Variants in SLC28A1 observed in about 807,000 individuals in gnomAD.
SLC28A1 encodes sodium/nucleoside cotransporter 1.
SLC28A1 carries 64 observed loss-of-function variants against 74.8 expected under a neutral mutation model. The observed-to-expected ratio is 0.86, with a 90% CI of 0.70 to 1.05. The LOEUF is 1.05. Among genes scored for constraint, SLC28A1 ranks in the 50% least tolerant of loss-of-function variants. The pLI is 0.00. For synonymous variants in SLC28A1, 359 were observed against 335.0 expected, an observed-to-expected ratio of 1.07 and a Z score of -0.78; for missense variants, 828 against 822.8, an observed-to-expected ratio of 1.01 and a Z score of -0.08.
chr15:84,947,923 G>T (rs1030590667), downstream of SLC28A1, among the ~76,000 whole-genome samples: 3 of 152,268 alleles, frequency 2.0e-5, no homozygotes, highest in African/African-American at 4.8e-5. Flanking sequence ...ATGGGAGCTC[G>T]GTAGTATTGG....
the SLC28A1 span, among the ~76,000 whole-genome samples, chr15:84,967,331 C>T: frequency 6.6e-6 from 1 of 152,146 alleles, no homozygotes; most frequent in African/African-American, 2.4e-5. Context: ...AACTTTCTAC[C>T]CCCCACCTCA....
chr15:84,949,530 C>G (rs1029865947), downstream of SLC28A1, among the ~76,000 whole-genome samples: 1 of 150,976 alleles, frequency 6.6e-6, no homozygotes, highest in Non-Finnish European at 1.5e-5. Flanking sequence ...TCCCAAGTAG[C>G]TGAGACTACA....
chr15:84,952,912 T>C, the SLC28A1 span, among the ~76,000 whole-genome samples: 1 of 152,192 alleles, frequency 6.6e-6, no homozygotes, highest in Non-Finnish European at 1.5e-5. Context: ...TATTTAAAGA[T>C]AGAAAATTCA....
At chr15:84,909,645 C>T (rs1967837721) in intron 9 of SLC28A1, among the ~76,000 whole-genome samples, 1 of 152,230 alleles carries the variant, frequency 6.6e-6, no homozygotes, top group South Asian at 2.1e-4. Context: ...CCTCCTCTGC[C>T]TGTCTTACAC....
At chr15:84,928,602 CTTTTCTTTCTTTCTTTTCTTTCTTTCTTT>C (rs202236322) in intron 12 of SLC28A1, among the ~76,000 whole-genome samples, 147 of 8,300 alleles carry the variant, frequency 0.018, 37 homozygotes, top group African/African-American at 0.094. Context: ...TTCTTTCTTT[CTTTTCTTTCTTTCTTTTCTTTCTTTCTTT>C]CTTTTTTTTT....
the SLC28A1 span, among the ~76,000 whole-genome samples, chr15:84,956,446 T>TCCTTCCTTC: frequency 1.2e-5 from 1 of 84,868 alleles, no homozygotes; most frequent in Non-Finnish European, 2.6e-5. Context: ...TTCCTTCCTT[T>TCCTTCCTTC]CTTTCTTTCT....
In SLC28A1 at chr15:84,944,593, ACTT is replaced by A. The variant is rs1973102032; in HGVS notation, c.1694_1696del (p.Phe565del). ...TCCATGGTCCCCCAACGGAAGAGCG[ACTT>A]CTCCCAGATAGTGCTCCGGGCGCTC... On this transcript the variant is annotated inframe_deletion, in exon 17 of 19. Transcript: ENST00000394573. 1 of 1,613,888 alleles carries A rather than the reference ACTT, an allele frequency of 6.2e-7. No homozygotes were observed. The highest frequency in any genetic ancestry group is 8.5e-7 in the Non-Finnish European group (1 of 1,179,770).
Position 84,894,983 on chromosome 15 carries a change from G to A in SLC28A1, c.321G>A (p.Gln107=). The change falls in exon 6 of 19, where the codon CAG becomes CAA. Residue 107 remains glutamine (Q), a synonymous_variant. Coordinates refer to ENST00000394573, the MANE Select transcript of SLC28A1 (RefSeq NM_004213.5). ...FLLVACLLDF[Q]RALALFVLTC... ...TGGTGGCCTGCCTCCTGGATTTCCA[G>A]AGGGCCCTGGCTCTGTTTGTCCTCA... 1.2e-6 allele frequency: 2 copies of A among 1,614,230 alleles called. No individual in the cohort carries two copies. The highest frequency in any genetic ancestry group is 1.7e-6 in the Non-Finnish European group (2 of 1,180,042).
chr15:84,901,005 C>T (rs969535088), intron 6 of SLC28A1, among the ~76,000 whole-genome samples: 2 of 151,960 alleles, frequency 1.3e-5, no homozygotes, highest in African/African-American at 2.4e-5. Flanking sequence ...AGGCAGATCA[C>T]GAGGTCAAGA....
chr15:84,961,323 G>A, the SLC28A1 span, among the ~76,000 whole-genome samples: 1 of 151,526 alleles, frequency 6.6e-6, no homozygotes, highest in Admixed American at 6.6e-5. Flanking sequence ...TTCTGTGAGT[G>A]AGAGAGAATT....
intron 2 of SLC28A1, 58 bp downstream of exon 2, chr15:84,886,845 A>C (rs1196620958): frequency 8.1e-5 from 70 of 864,106 alleles, no homozygotes; most frequent in Non-Finnish European, 9.2e-5. Context: ...TGTGTGAGCC[A>C]GGGCATTCCC....
rs1567193200 is a variant in SLC28A1 at position 84,944,556 on chromosome 15, C to T, written c.1664-10C>T. 1 of 1,603,026 alleles carries T rather than the reference C, an allele frequency of 6.2e-7. No homozygotes were observed. Among genetic ancestry groups the T allele is most frequent in the Admixed American group, 1.7e-5 (1 of 60,020 alleles). On this transcript the variant is annotated splice_polypyrimidine_tract_variant and intron_variant, in intron 16 of 18. Transcript: ENST00000394573. The stretch of plus-strand genomic sequence containing the variant: ...CTTCCCAGGCCCTGAGCACTTCTGT[C>T]CCCTTGCAGCCTCCATGGTCCCCCA...
Position 84,888,820 on chromosome 15 carries a change from A to G in SLC28A1, c.145A>G (p.Ser49Gly). The change falls in exon 4 of 19, where the codon AGC (serine) becomes GGC (glycine). Residue 49 changes from serine (S) to glycine (G), a missense_variant. Ser to Gly is a moderately conservative substitution (Grantham distance 56, BLOSUM62 0). Coordinates refer to ENST00000394573, the MANE Select transcript of SLC28A1 (RefSeq NM_004213.5). ...TGACTTGAGCCCCGCAGAGATCAGG[A>G]GCAGCTGGAGCGAGGCGGCGCCGAA... ...RSDLSPAEIR[S>G]SWSEAAPKPF... 1 of 1,554,710 alleles carries G rather than the reference A, an allele frequency of 6.4e-7. No individual in the cohort carries two copies. Among genetic ancestry groups the G allele is most frequent in the Non-Finnish European group, 8.7e-7 (1 of 1,148,798 alleles).
intron 12 of SLC28A1, 41 bp downstream of exon 12, chr15:84,924,151 T>C (rs774600744): frequency 3.2e-5 from 51 of 1,602,544 alleles, no homozygotes; most frequent in Non-Finnish European, 4.1e-5. Context: ...GTTGAGGACC[T>C]GAAGCCCATC....
chr15:84,934,724 T>A (rs1465439137), intron 13 of SLC28A1, among the ~76,000 whole-genome samples: 1 of 152,220 alleles, frequency 6.6e-6, no homozygotes, highest in Non-Finnish European at 1.5e-5. Flanking sequence ...ATTATTGAGG[T>A]ATTTTGCATT....
At chr15:84,946,110 A>ATTTTTTTTTTTT (rs1382844934), downstream of SLC28A1, among the ~76,000 whole-genome samples, 4 of 9,594 alleles carry the variant, frequency 4.2e-4, no homozygotes, top group East Asian at 9.6e-3. Context: ...ATATATATAT[A>ATTTTTTTTTTTT]TATTTTTTTT....
chr15:84,954,991 C>T, the SLC28A1 span, among the ~76,000 whole-genome samples: 4 of 152,152 alleles, frequency 2.6e-5, no homozygotes, highest in Non-Finnish European at 5.9e-5. Flanking sequence ...GGGACACTCA[C>T]TCTTAGCACT....
chr15:84,906,181 G>A (rs1302569491), intron 8 of SLC28A1, among the ~76,000 whole-genome samples: 1 of 151,784 alleles, frequency 6.6e-6, no homozygotes, highest in Non-Finnish European at 1.5e-5. Flanking sequence ...CACCATGCCT[G>A]GCTAATGTTT....
chr15:84,911,408 A>T (rs1449582065), intron 9 of SLC28A1, among the ~76,000 whole-genome samples: 1 of 152,156 alleles, frequency 6.6e-6, no homozygotes, highest in Non-Finnish European at 1.5e-5. Context: ...GTTGGCCGCA[A>T]TGGCACAGTG....
Sources: allele counts gnomAD v4.1 joint callset (sites outside exome capture counted in the v4.1 genomes callset), GRCh38; gene constraint gnomAD v4.1.1; transcripts MANE v1.5; gene names NCBI Gene and HGNC (gene_info 2026-07-23, HGNC 2026-07-21).